The following FNDC3B variants were observed in gnomAD, a reference collection of about 807,000 sequenced individuals.
FNDC3B encodes the protein fibronectin type III domain-containing protein 3B.
Under a neutral mutation model 151.5 loss-of-function variants are expected in FNDC3B, and 12 were observed. The observed-to-expected ratio is 0.08, with a 90% CI of 0.05 to 0.13. FNDC3B has a LOEUF of 0.13. Ranked by LOEUF, FNDC3B falls within the 10% of genes least tolerant of loss-of-function variation. The pLI is 1.00. For synonymous variants in FNDC3B, 528 were observed against 549.0 expected, an observed-to-expected ratio of 0.96 and a Z score of 0.54; for missense variants, 1,214 against 1,505.3, an observed-to-expected ratio of 0.81 and a Z score of 3.20.
At chr3:172,149,501 C>T (rs1722101409) in intron 3 of FNDC3B, among the ~76,000 whole-genome samples, 1 of 151,914 alleles carries the variant, frequency 6.6e-6, no homozygotes. Flanking sequence ...TCTTTAATTC[C>T]TGTGGCGTTC....
chr3:172,377,361 GA>G (rs1352004421), intron 23 of FNDC3B, among the ~76,000 whole-genome samples: 1 of 152,196 alleles, frequency 6.6e-6, no homozygotes, highest in Admixed American at 6.5e-5. Context: ...AAAGATCCTG[GA>G]TGACTTATGG....
chr3:172,310,466 C>T (rs1576897855), intron 10 of FNDC3B, among the ~76,000 whole-genome samples: 1 of 152,348 alleles, frequency 6.6e-6, no homozygotes, highest in East Asian at 1.9e-4. Context: ...CCAGCAGTGC[C>T]TGTGTTTCTC....
At chr3:172,279,382 C>G (rs1029777732) in intron 6 of FNDC3B, among the ~76,000 whole-genome samples, 4 of 152,214 alleles carry the variant, frequency 2.6e-5, no homozygotes, top group African/African-American at 9.7e-5. Flanking sequence ...GTGTTTCTCT[C>G]CTTTCTCTTA....
At chr3:172,252,390 T>C (rs1250621095) in intron 6 of FNDC3B, among the ~76,000 whole-genome samples, 4 of 152,024 alleles carry the variant, frequency 2.6e-5, no homozygotes. Flanking sequence ...TTATTTCAAG[T>C]AGATTCCCTT....
At chr3:172,370,120 G>A (rs1239184243) in intron 23 of FNDC3B, among the ~76,000 whole-genome samples, 1 of 152,136 alleles carries the variant, frequency 6.6e-6, no homozygotes, top group East Asian at 1.9e-4. Context: ...ATATTAATGT[G>A]TTGCTGTGAG....
At chr3:172,273,463 C>T (rs1036536733) in intron 6 of FNDC3B, among the ~76,000 whole-genome samples, 1 of 152,212 alleles carries the variant, frequency 6.6e-6, no homozygotes, top group Non-Finnish European at 1.5e-5. Flanking sequence ...GACTACTTCT[C>T]TGTTCATTCT....
chr3:172,070,562 C>T (rs1201357706), intron 1 of FNDC3B, among the ~76,000 whole-genome samples: 1 of 152,216 alleles, frequency 6.6e-6, no homozygotes, highest in African/African-American at 2.4e-5. Flanking sequence ...AGAATCCTAG[C>T]ACTCCGGCTA....
chr3:172,150,923 A>C (rs1015330439), intron 3 of FNDC3B, among the ~76,000 whole-genome samples: 1 of 151,862 alleles, frequency 6.6e-6, no homozygotes, highest in South Asian at 2.1e-4. Context: ...GGTATTTTTT[A>C]AAAAATAACA....
intron 3 of FNDC3B, among the ~76,000 whole-genome samples, chr3:172,174,036 T>C (rs1268222501): frequency 6.6e-6 from 1 of 152,128 alleles, no homozygotes; most frequent in Non-Finnish European, 1.5e-5. Flanking sequence ...AAGATGCCCA[T>C]TGCGGGAAAT....
intron 1 of FNDC3B, among the ~76,000 whole-genome samples, chr3:172,077,854 T>A (rs549387505): frequency 6.6e-6 from 1 of 152,334 alleles, no homozygotes; most frequent in East Asian, 1.9e-4. Flanking sequence ...AGCAGAATGA[T>A]GCCTCAAAAC....
chr3:172,088,971 G>C (rs1413791882), intron 1 of FNDC3B, among the ~76,000 whole-genome samples: 1 of 152,042 alleles, frequency 6.6e-6, no homozygotes, highest in Non-Finnish European at 1.5e-5. Flanking sequence ...AATATTCAGG[G>C]TTCTGTTTTA....
At chr3:172,397,009 T>G (rs1344233236) in intron 25 of FNDC3B, among the ~76,000 whole-genome samples, 155 bp from the exon 26 acceptor site, 3 of 152,236 alleles carry the variant, frequency 2.0e-5, no homozygotes, top group Non-Finnish European at 4.4e-5. Context: ...ATGGTTGGAA[T>G]ACAGATTGAG....
intron 6 of FNDC3B, among the ~76,000 whole-genome samples, chr3:172,276,391 C>G (rs576239643): frequency 6.6e-6 from 1 of 152,202 alleles, no homozygotes; most frequent in South Asian, 2.1e-4. Context: ...TGGAGTGTAG[C>G]AGATTTTAAC....
At chr3:172,134,197 G>A (rs1165881159) in intron 3 of FNDC3B, among the ~76,000 whole-genome samples, 3 of 152,122 alleles carry the variant, frequency 2.0e-5, no homozygotes, top group Admixed American at 6.6e-5. Flanking sequence ...TAAGGCTTTT[G>A]GGTGTAGTTA....
chr3:172,204,063 C>T (rs1399971423), intron 3 of FNDC3B, among the ~76,000 whole-genome samples: 1 of 152,220 alleles, frequency 6.6e-6, no homozygotes, highest in East Asian at 1.9e-4. Flanking sequence ...GATGGCTGTA[C>T]TCACTGTCCA....
intron 23 of FNDC3B, among the ~76,000 whole-genome samples, chr3:172,364,810 T>A (rs1734535092): frequency 6.6e-6 from 1 of 152,252 alleles, no homozygotes; most frequent in Non-Finnish European, 1.5e-5. Flanking sequence ...ATGACTTGCC[T>A]AAATTTAAAT....
At chr3:172,117,575 G>A (rs2108548392) in intron 2 of FNDC3B, among the ~76,000 whole-genome samples, 1 of 152,296 alleles carries the variant, frequency 6.6e-6, no homozygotes, top group East Asian at 1.9e-4. Context: ...TGTCGACATA[G>A]GGTGGCAGAG....
intron 6 of FNDC3B, among the ~76,000 whole-genome samples, chr3:172,254,119 T>C (rs1728218483): frequency 6.6e-6 from 1 of 152,156 alleles, no homozygotes; most frequent in South Asian, 2.1e-4. Flanking sequence ...AAAAAACAAA[T>C]CTTTAAAAAA....
intron 3 of FNDC3B, among the ~76,000 whole-genome samples, chr3:172,135,294 A>G (rs1721306694): frequency 6.6e-6 from 1 of 151,870 alleles, no homozygotes; most frequent in East Asian, 1.9e-4. Flanking sequence ...TTTTGTGTGT[A>G]TATATGTATG....
Sources: allele counts gnomAD v4.1 joint callset (sites outside exome capture counted in the v4.1 genomes callset), GRCh38; gene constraint gnomAD v4.1.1; transcripts MANE v1.5; gene names NCBI Gene and HGNC (gene_info 2026-07-23, HGNC 2026-07-21).